PARP4: variants seen among roughly 807,000 people sequenced by gnomAD.
The protein encoded by PARP4 is poly(ADP-ribose) polymerase family member 4.
Under a neutral mutation model 187.7 loss-of-function variants are expected in PARP4, and 120 were observed. The ratio of observed to expected loss-of-function variants is 0.64; its 90% CI spans 0.55 to 0.74. The LOEUF (loss-of-function observed/expected upper bound fraction) is 0.74. PARP4 is among the 30% of genes least tolerant of loss of function. PARP4 has a pLI of 0.00. For synonymous variants in PARP4, 654 were observed against 740.9 expected, an observed-to-expected ratio of 0.88 and a Z score of 1.90; for missense variants, 1,836 against 2,070.5, an observed-to-expected ratio of 0.89 and a Z score of 2.20.
intron 1 of PARP4, among the ~76,000 whole-genome samples, chr13:24,508,496 G>A (rs971403938): frequency 6.6e-6 from 1 of 152,108 alleles, no homozygotes; most frequent in Admixed American, 6.5e-5. Flanking sequence ...TTTTCTTCTG[G>A]GCTTTTTTCT....
chr13:24,508,185 A>AC lies in PARP4; in HGVS notation c.-1-4409_-1-4408insG, dbSNP rs374264315. On this transcript the variant is annotated intron_variant, in intron 1 of 33. Coordinates refer to ENST00000381989, the MANE Select transcript of PARP4 (RefSeq NM_006437.4). ...TCTCTGACAATTAAAAACAACACAC[A>AC]AAAAAAAACACTAAAAGCCTTTAAT... Among the ~76,000 whole-genome samples, 120 of 66,924 alleles carry AC rather than the reference A, an allele frequency of 1.8e-3. 1 individual carries two copies. Among genetic ancestry groups the AC allele is most frequent in the East Asian group, 0.011 (29 of 2,530 alleles). 43.9% of individuals were successfully genotyped at this position (66,924 alleles called of 152,430 possible). A position where few individuals can be genotyped will look rare whatever the true frequency, so the allele number is the denominator to read the frequency against.
intron 12 of PARP4, among the ~76,000 whole-genome samples, chr13:24,482,781 T>C (rs1485845992): frequency 6.6e-6 from 1 of 152,220 alleles, no homozygotes; most frequent in Non-Finnish European, 1.5e-5. Context: ...ATTGCAGTAG[T>C]GTGGAACCAA....
intron 1 of PARP4, among the ~76,000 whole-genome samples, chr13:24,505,247 A>G (rs534596087): frequency 1.8e-4 from 28 of 152,256 alleles, no homozygotes; most frequent in African/African-American, 5.5e-4. Flanking sequence ...CTACAGAAGT[A>G]GGGGACCAGC....
At chr13:24,450,065 G>C (rs537499277) in intron 24 of PARP4, among the ~76,000 whole-genome samples, 3 of 146,538 alleles carry the variant, frequency 2.0e-5, no homozygotes, top group Non-Finnish European at 4.5e-5. Context: ...TGAAATTCTT[G>C]ACTTTCAGTT....
At chr13:24,469,391 C>T (rs1447341026) in intron 16 of PARP4, among the ~76,000 whole-genome samples, 1 of 152,144 alleles carries the variant, frequency 6.6e-6, no homozygotes, top group Non-Finnish European at 1.5e-5. Context: ...TGGAACAAAA[C>T]ATAATAATTA....
At chr13:24,444,376 C>CCA (rs1316515742) in intron 27 of PARP4, among the ~76,000 whole-genome samples, 2 of 152,296 alleles carry the variant, frequency 1.3e-5, no homozygotes, top group African/African-American at 4.8e-5. Context: ...TTATCAGTAC[C>CCA]CACAAAGATC....
At chr13:24,486,652 A>G (rs1350967298) in intron 10 of PARP4, among the ~76,000 whole-genome samples, 1 of 152,170 alleles carries the variant, frequency 6.6e-6, no homozygotes, top group Non-Finnish European at 1.5e-5. Context: ...AACAACAATA[A>G]AAAAGAATGC....
At chr13:24,508,102 A>T (rs571477189) in intron 1 of PARP4, among the ~76,000 whole-genome samples, 1 of 152,350 alleles carries the variant, frequency 6.6e-6, no homozygotes, top group Non-Finnish European at 1.5e-5. Flanking sequence ...GGATGAAATG[A>T]GGGGTACCAT....
intron 30 of PARP4, among the ~76,000 whole-genome samples, chr13:24,436,932 T>C (rs1303291587): frequency 1.3e-5 from 2 of 152,200 alleles, no homozygotes; most frequent in Admixed American, 1.3e-4. Flanking sequence ...TTTAAAATAA[T>C]GCTAACCAGA....
chr13:24,432,205 GT>G (rs1870377240), intron 31 of PARP4, among the ~76,000 whole-genome samples: 2 of 152,120 alleles, frequency 1.3e-5, no homozygotes, highest in Admixed American at 1.3e-4. Context: ...TCATGTCTTT[GT>G]GTCGGCAACA....
chr13:24,482,356 T>C (rs1025815310), intron 12 of PARP4, among the ~76,000 whole-genome samples: 18 of 152,342 alleles, frequency 1.2e-4, no homozygotes, highest in Admixed American at 2.0e-4. Context: ...TTTGAGATAA[T>C]TGACTCCAAT....
chr13:24,463,652 T>C (rs1433510194), intron 17 of PARP4, among the ~76,000 whole-genome samples: 1 of 152,122 alleles, frequency 6.6e-6, no homozygotes, highest in Non-Finnish European at 1.5e-5. Flanking sequence ...TATTTCAAAA[T>C]AATAAGAACC....
At chr13:24,511,375 G>A (rs1454425013) in intron 1 of PARP4, among the ~76,000 whole-genome samples, 2 of 152,122 alleles carry the variant, frequency 1.3e-5, no homozygotes, top group African/African-American at 4.8e-5. Context: ...GAGATGTGGC[G>A]GACACTGGGC....
At chr13:24,449,332 G>C (rs1474507312) in intron 25 of PARP4, among the ~76,000 whole-genome samples, 9 of 149,244 alleles carry the variant, frequency 6.0e-5, no homozygotes, top group Admixed American at 2.7e-4. Flanking sequence ...AGCTTGCAGT[G>C]AGCCGAGATG....
chr13:24,503,901 T>C, intron 1 of PARP4, 124 bp from the exon 2 acceptor site: 1 of 785,874 alleles, frequency 1.3e-6, no homozygotes, highest in Middle Eastern at 2.4e-4. Context: ...GCAATCATGT[T>C]ATCAATAGAA....
At chr13:24,443,861 G>C (rs1425245287) in intron 27 of PARP4, 131 bp from the exon 28 acceptor site, 4 of 662,678 alleles carry the variant, frequency 6.0e-6, no homozygotes, top group Non-Finnish European at 1.1e-5. Flanking sequence ...TACACAGTTT[G>C]ATGAGTCTTA....
At chr13:24,463,890 A>G (rs1458653769) in intron 17 of PARP4, among the ~76,000 whole-genome samples, 1 of 152,182 alleles carries the variant, frequency 6.6e-6, no homozygotes, top group Non-Finnish European at 1.5e-5. Context: ...TCCTATATCT[A>G]GAAAACCCCA....
intron 24 of PARP4, chr13:24,452,120 G>T: frequency 3.2e-6 from 1 of 313,314 alleles, no homozygotes; most frequent in Non-Finnish European, 5.8e-6. Context: ...CTATGTATGA[G>T]CTCATTTATT....
rs1463080320 is a variant in PARP4, at chr13:24,470,049, C to T, written c.1915-24G>A. Reference sequence around the variant, plus strand: ...ACCTGAAGAAGAAAAAAAATCCATACAATTGATGAGACCACATGGACTACA... The same window carrying T: ...ACCTGAAGAAGAAAAAAAATCCATATAATTGATGAGACCACATGGACTACA... On this transcript the variant is annotated intron_variant, in intron 15 of 33. Transcript: ENST00000381989. The T allele has an allele frequency of 1.0e-5, 16 of 1,604,476 alleles. No individual in the cohort carries two copies. The Admixed American group carries it at 1.4e-4, about 14-fold the overall frequency.
Sources: allele counts gnomAD v4.1 joint callset (sites outside exome capture counted in the v4.1 genomes callset), GRCh38; gene constraint gnomAD v4.1.1; transcripts MANE v1.5; gene names NCBI Gene and HGNC (gene_info 2026-07-23, HGNC 2026-07-21).